The following CCDC82 variants were observed in gnomAD, a reference collection of about 807,000 sequenced individuals.
CCDC82 encodes coiled-coil domain containing 82, also known as coiled-coil domain-containing protein 82.
CCDC82 carries 47 observed loss-of-function variants against 60.6 expected under a neutral mutation model. The observed-to-expected ratio is 0.77, with a 90% CI of 0.61 to 0.99. CCDC82 has a LOEUF of 0.99. CCDC82 is among the 50% of genes least tolerant of loss of function. The pLI, the probability that CCDC82 is intolerant of heterozygous loss-of-function variation, is 0.00. For synonymous variants in CCDC82, 212 were observed against 207.4 expected (o/e 1.02, Z -0.19); for missense variants, 588 against 633.0 (o/e 0.93, Z 0.76).
chr11:96,377,309 G>T (rs1301738112), intron 5 of CCDC82, among the ~76,000 whole-genome samples: 1 of 151,794 alleles, frequency 6.6e-6, no homozygotes, highest in Non-Finnish European at 1.5e-5. Context: ...CTTAACTTCT[G>T]TATCCTTTGT....
intron 2 of CCDC82, chr11:96,387,200 T>C (rs577179358): frequency 1.2e-4 from 18 of 152,288 alleles, no homozygotes; most frequent in African/African-American, 4.3e-4. Flanking sequence ...AAAGCAAATA[T>C]GGACAGTAAA....
chr11:96,371,042 A>T lies in CCDC82; in HGVS notation c.1180T>A (p.Ser394Thr), dbSNP rs1865234538. 3.1e-6 allele frequency: 5 copies of T among 1,600,454 alleles called. No homozygotes were observed. Among genetic ancestry groups the T allele is most frequent in the Non-Finnish European group, 4.3e-6 (5 of 1,174,310 alleles). Residue 394 changes from serine (S) to threonine (T), a missense_variant, in exon 7 of 10, where the codon TCT (serine) becomes ACT (threonine). By Grantham distance (58) the Ser-to-Thr change is moderately conservative (BLOSUM62 1). Transcript: ENST00000646818. Reference sequence around the variant, plus strand: ...TATTGCTCTTTCCAACGACTTCTAGATACCAAGCTCTCTAGACGAGGCTGA... The same window carrying T: ...TATTGCTCTTTCCAACGACTTCTAGTTACCAAGCTCTCTAGACGAGGCTGA... Reference protein sequence around the residue: ...FVQPRLESLVSRSRWKEQYKE... With the variant: ...FVQPRLESLVTRSRWKEQYKE...
At chr11:96,379,631 T>C (rs1269772223) in intron 5 of CCDC82, among the ~76,000 whole-genome samples, 2 of 151,870 alleles carry the variant, frequency 1.3e-5, no homozygotes, top group Admixed American at 1.3e-4. Context: ...AAATTCACTC[T>C]TTTTGGTGTA....
chr11:96,372,623 T>G (rs1015007791), intron 6 of CCDC82, among the ~76,000 whole-genome samples: 4 of 146,052 alleles, frequency 2.7e-5, no homozygotes, highest in Non-Finnish European at 4.5e-5. Flanking sequence ...GAAATGGGGA[T>G]ATATATATAT....
At chr11:96,373,837 T>C (rs1359254077) in intron 5 of CCDC82, among the ~76,000 whole-genome samples, 3 of 152,214 alleles carry the variant, frequency 2.0e-5, no homozygotes, top group Non-Finnish European at 4.4e-5. Context: ...AAAGACAGAT[T>C]AATATGTCTT....
At chr11:96,356,721 A>C in intron 9 of CCDC82, 1 of 970,122 alleles carries the variant, frequency 1.0e-6, no homozygotes, top group East Asian at 1.1e-4. Context: ...TTGCTCCTAC[A>C]CCCCTTTAGT....
At position 96,384,717 on chromosome 11, in the gene CCDC82, T is replaced by C. The variant is rs138210164; in HGVS notation, c.31A>G (p.Arg11Gly). 3.6e-5 allele frequency: 58 copies of C among 1,608,308 alleles called. No individual in the cohort carries two copies. The highest frequency in any genetic ancestry group is 6.8e-5 in the Admixed American group (4 of 58,878). Residue 11 changes from arginine to glycine, a missense_variant, in exon 4 of 10, where the codon AGA becomes GGA. Physicochemically the swap from Arg to Gly is moderately radical, Grantham distance 125. Transcript: ENST00000646818. ...TCAGGCACGTGACTCTTAGAATTTC[T>C]CCTTGTTTCATGTCTTCTAACATGT... is the stretch of plus-strand genomic sequence containing the variant. MIHVRRHETR[R>G]NSKSHVPEQK...
At position 96,383,824 on chromosome 11, in the gene CCDC82, A is replaced by C. The variant is rs150512919; in HGVS notation, c.786+138T>G. 3,459 of 787,226 alleles carry C rather than the reference A, an allele frequency of 4.4e-3. 21 individuals are homozygous for C. The highest frequency in any genetic ancestry group is 9.0e-3 in the Middle Eastern group (24 of 2,664). The allele number at this position is 787,226 out of a possible 1,614,324, so 48.8% of individuals were successfully genotyped here. ...ATTACGTACAATAGTGTAATCAAAC[A>C]TGTTCAAGAATACTTGATTAAAAAA... On this transcript the variant is annotated intron_variant, in intron 4 of 9. Transcript: ENST00000646818.
intron 5 of CCDC82, among the ~76,000 whole-genome samples, chr11:96,377,357 T>TACAC (rs145911994): frequency 0.087 from 13,073 of 149,476 alleles, 818 homozygotes; most frequent in African/African-American, 0.18. Context: ...GTGTACATAA[T>TACAC]ACACACACAC....
intron 8 of CCDC82, 105 bp from the exon 9 acceptor site, chr11:96,359,283 GT>G: frequency 1.2e-6 from 1 of 860,688 alleles, no homozygotes; most frequent in Non-Finnish European, 1.7e-6. Context: ...AACTTCCAGT[GT>G]TTACACAATG....
chr11:96,365,574 T>C (rs1166286813), intron 7 of CCDC82, among the ~76,000 whole-genome samples: 1 of 152,226 alleles, frequency 6.6e-6, no homozygotes, highest in African/African-American at 2.4e-5. Context: ...ATATGAATTA[T>C]ATATTTGCCA....
intron 9 of CCDC82, chr11:96,356,782 C>T: frequency 1.0e-6 from 1 of 985,042 alleles, no homozygotes; most frequent in Non-Finnish European, 1.2e-6. Flanking sequence ...GAAGGAAGAA[C>T]AAAAAGAATG....
intron 8 of CCDC82, chr11:96,363,308 T>G (rs1300017574): frequency 6.6e-6 from 1 of 152,214 alleles, no homozygotes; most frequent in African/African-American, 2.4e-5. Context: ...TCTCTCCCTT[T>G]CTTTCCTTCT....
At chr11:96,362,611 T>G (rs1591170374) in intron 8 of CCDC82, among the ~76,000 whole-genome samples, 1 of 152,158 alleles carries the variant, frequency 6.6e-6, no homozygotes, top group Non-Finnish European at 1.5e-5. Context: ...CTCTCTTTCA[T>G]CCAGGTAATT....
chr11:96,360,539 T>C (rs1311958428), intron 8 of CCDC82, among the ~76,000 whole-genome samples: 1 of 152,080 alleles, frequency 6.6e-6, no homozygotes, highest in African/African-American at 2.4e-5. Context: ...AGAAAATGCA[T>C]CAGAAAGGGC....
Position 96,365,014 on chromosome 11 carries a change from A to G in CCDC82, c.1346T>C (p.Met449Thr), listed in dbSNP as rs746067996. Residue 449 changes from methionine to threonine, a missense_variant, in exon 8 of 10, where the codon ATG (methionine) becomes ACG (threonine). Met to Thr is a moderately conservative substitution (Grantham distance 81, BLOSUM62 -1). Coordinates refer to ENST00000646818, the MANE Select transcript of CCDC82 (RefSeq NM_024725.4). ...LSGELYNTRTMQIDNFMSHDK... is the reference protein window; with the variant it reads ...LSGELYNTRTTQIDNFMSHDK... Reference sequence around the variant, plus strand: ...ATGTGACATGAAATTATCTATTTGCATGGTCCTGGTGTTATACAACTCTCC... The same window carrying G: ...ATGTGACATGAAATTATCTATTTGCGTGGTCCTGGTGTTATACAACTCTCC... The G allele has an allele frequency of 5.0e-6, 8 of 1,605,814 alleles. No homozygotes were observed. Among genetic ancestry groups the G allele is most frequent in the African/African-American group, 2.7e-5 (2 of 74,610 alleles).
At position 96,364,041 on chromosome 11, in the gene CCDC82, C is replaced by G. The variant is rs981665649; in HGVS notation, c.1380+939G>C. ...ATGTCAGAGCTCTAGAAGTGATTTT[C>G]TTACTCCACTTTCCTCTTCAGAATT... On this transcript the variant is annotated intron_variant, in intron 8 of 9. Coordinates refer to ENST00000646818, the MANE Select transcript of CCDC82 (RefSeq NM_024725.4). 2.6e-5 allele frequency: 4 copies of G among 151,974 alleles called. No individual in the cohort carries two copies. The East Asian group carries it at 7.7e-4, about 29-fold the overall frequency. 9.4% of individuals were successfully genotyped at this position (151,974 alleles called of 1,614,324 possible). A position where few individuals can be genotyped will look rare whatever the true frequency, so the allele number is the denominator to read the frequency against.
chr11:96,386,056 T>C (rs1246961214), intron 3 of CCDC82, 198 bp downstream of exon 3: 1 of 152,134 alleles, frequency 6.6e-6, no homozygotes, highest in African/African-American at 2.4e-5. Flanking sequence ...TCATTTTTTA[T>C]CCCAAACAGT....
chr11:96,367,890 G>A (rs771879739), intron 7 of CCDC82, among the ~76,000 whole-genome samples: 1 of 141,044 alleles, frequency 7.1e-6, no homozygotes, highest in Non-Finnish European at 1.5e-5. Context: ...GTGTGATTTC[G>A]GCTCACTGCA....
Sources: allele counts gnomAD v4.1 joint callset (sites outside exome capture counted in the v4.1 genomes callset), GRCh38; gene constraint gnomAD v4.1.1; transcripts MANE v1.5; gene names NCBI Gene and HGNC (gene_info 2026-07-23, HGNC 2026-07-21).